Variants in PITPNM2 observed in about 807,000 individuals in gnomAD.
PITPNM2 encodes the protein membrane-associated phosphatidylinositol transfer protein 2.
In PITPNM2, 35 loss-of-function variants were observed where a neutral mutation model predicts 132.2. That is an observed-to-expected ratio of 0.26 (90% confidence interval 0.20 to 0.35). The LOEUF is 0.35. Ranked by LOEUF, PITPNM2 falls within the 10% of genes least tolerant of loss-of-function variation. The pLI is 1.00. For synonymous variants in PITPNM2, 738 were observed against 799.2 expected (o/e 0.92, Z 1.29); for missense variants, 1,332 against 1,912.0 (o/e 0.70, Z 5.66).
intron 2 of PITPNM2, among the ~76,000 whole-genome samples, chr12:123,042,392 G>A (rs572589697): frequency 6.6e-6 from 1 of 152,314 alleles, no homozygotes; most frequent in Non-Finnish European, 1.5e-5. Context: ...GGGAGGGGAA[G>A]CACGAGAATT....
chr12:123,123,645 A>T (rs1295129807), intron 1 of PITPNM2, among the ~76,000 whole-genome samples: 1 of 152,016 alleles, frequency 6.6e-6, no homozygotes, highest in East Asian at 1.9e-4. Flanking sequence ...AATTAAATTA[A>T]ATTTTTAGGC....
rs554301529 is a variant in PITPNM2, at chr12:123,142,326, C to T, written c.-200+8427G>A. 2.2e-4 allele frequency among the ~76,000 whole-genome samples: 33 copies of T among 152,328 alleles called. 1 individual carries two copies. Among genetic ancestry groups the T allele is most frequent in the South Asian group, 6.2e-4 (3 of 4,828 alleles). ...AGCTATTTTCCTTGCTGGGTTAATACAAATCGTGCTCTGGACCAATTAAGT... is the reference window on the plus strand; with the variant it reads ...AGCTATTTTCCTTGCTGGGTTAATATAAATCGTGCTCTGGACCAATTAAGT... On this transcript the variant is annotated intron_variant, in intron 1 of 25. Transcript: ENST00000320201.
intron 11 of PITPNM2, 99 bp from the exon 12 acceptor site, chr12:122,997,009 G>A (rs2038458371): frequency 1.6e-6 from 2 of 1,213,698 alleles, no homozygotes; most frequent in Non-Finnish European, 2.3e-6. Flanking sequence ...CTCAGCATAC[G>A]CTAGTGAGGA....
intron 2 of PITPNM2, among the ~76,000 whole-genome samples, chr12:123,055,708 C>T (rs1041379360): frequency 6.6e-6 from 1 of 152,168 alleles, no homozygotes; most frequent in African/African-American, 2.4e-5. Flanking sequence ...ATCTTCCATT[C>T]AGCTTCAAAA....
intron 2 of PITPNM2, among the ~76,000 whole-genome samples, chr12:123,062,652 C>G (rs1342406613): frequency 1.3e-5 from 2 of 152,158 alleles, no homozygotes; most frequent in African/African-American, 4.8e-5. Flanking sequence ...GAACTCTCTG[C>G]AGTGAAAGAC....
At chr12:122,987,009 C>T (rs915541370) in intron 23 of PITPNM2, among the ~76,000 whole-genome samples, 180 bp from the exon 24 acceptor site, 5 of 152,272 alleles carry the variant, frequency 3.3e-5, no homozygotes, top group African/African-American at 9.6e-5. Context: ...CCGCACTGGG[C>T]GGCAGATGCC....
At chr12:123,081,426 CA>C (rs1566283353) in intron 2 of PITPNM2, 1 of 152,320 alleles carries the variant, frequency 6.6e-6, no homozygotes, top group African/African-American at 2.4e-5. Context: ...GGTCCCCCCC[CA>C]CTCCTTAATG....
At chr12:123,148,790 C>T (rs943125053) in intron 1 of PITPNM2, among the ~76,000 whole-genome samples, 16 of 151,998 alleles carry the variant, frequency 1.1e-4, no homozygotes, top group East Asian at 3.9e-4. Context: ...GTGGGGGGCA[C>T]GTGTAAACAG....
rs2041098752 is a variant in PITPNM2 at position 123,058,005 on chromosome 12, T to C, written c.-95-23320A>G. The stretch of plus-strand genomic sequence containing the variant: ...GTCCCAGGGACCCCTCCTGTACACC[T>C]GACAGGTGCTACCTCCTCTCTGGGC... On this transcript the variant is annotated intron_variant, in intron 2 of 25. Transcript: ENST00000320201. This position sits in a 1 kb window ranked among gnomAD's most constrained non-coding sequence, Gnocchi z 4.0. Among the ~76,000 whole-genome samples, 1 of 152,216 alleles carries C rather than the reference T, an allele frequency of 6.6e-6. No individual in the cohort carries two copies. Among genetic ancestry groups the C allele is most frequent in the Non-Finnish European group, 1.5e-5 (1 of 68,032 alleles).
intron 2 of PITPNM2, chr12:123,076,008 T>TGAC (rs1364154057): frequency 6.6e-6 from 1 of 152,262 alleles, no homozygotes; most frequent in Non-Finnish European, 1.5e-5. Context: ...AGAGCAGAGA[T>TGAC]GACGATCAGG....
At position 122,992,035 on chromosome 12, in the gene PITPNM2, G is replaced by T. The variant is rs989899807; in HGVS notation, c.2404+464C>A. 1.8e-5 allele frequency: 15 copies of T among 830,874 alleles called. No homozygotes were observed. The highest frequency in any genetic ancestry group is 5.3e-5 in the African/African-American group (3 of 56,746). 51.5% of individuals were successfully genotyped at this position (830,874 alleles called of 1,614,324 possible). A position where few individuals can be genotyped will look rare whatever the true frequency, so the allele number is the denominator to read the frequency against. Reference sequence around the variant, plus strand: ...ACGCTGGGACACACGCTGGGGCAGGGGTCGGGCCAAGCCTACCTGGACCTC... The same window carrying T: ...ACGCTGGGACACACGCTGGGGCAGGTGTCGGGCCAAGCCTACCTGGACCTC... On this transcript the variant is annotated intron_variant, in intron 16 of 25. Coordinates refer to ENST00000320201, the MANE Select transcript of PITPNM2 (RefSeq NM_020845.3). The surrounding 1 kb of genome is among the most constrained non-coding windows in gnomAD (Gnocchi z 6.5).
intron 2 of PITPNM2, chr12:123,081,061 C>T (rs1396913381): frequency 6.6e-6 from 1 of 152,206 alleles, no homozygotes; most frequent in Non-Finnish European, 1.5e-5. Flanking sequence ...GTTCTAAGGC[C>T]TGAGGAGATG....
At chr12:123,049,737 T>C (rs1054852517) in intron 2 of PITPNM2, among the ~76,000 whole-genome samples, 1 of 152,354 alleles carries the variant, frequency 6.6e-6, no homozygotes, top group South Asian at 2.1e-4. Flanking sequence ...GGCAGGGAAC[T>C]TGTCTGTCTT....
rs1285954263 is a variant in PITPNM2 at position 122,994,707 on chromosome 12, G to A, written c.2233+94C>T. 1 of 1,346,176 alleles carries A rather than the reference G, an allele frequency of 7.4e-7. No individual in the cohort carries two copies. Among genetic ancestry groups the A allele is most frequent in the Admixed American group, 2.6e-5 (1 of 39,086 alleles). The allele number at this position is 1,346,176 out of a possible 1,614,324, so 83.4% of individuals were successfully genotyped here. A position where few individuals can be genotyped will look rare whatever the true frequency, so the allele number is the denominator to read the frequency against. ...GGAAGGAGGGCAGAAACAGGCCTGG[G>A]ACGTGGCCATGATCTCATCACAGGG... On this transcript the variant is annotated intron_variant, in intron 15 of 25. Transcript: ENST00000320201. The surrounding 1 kb of genome is among the most constrained non-coding windows in gnomAD (Gnocchi z 5.4).
At position 123,143,474 on chromosome 12, in the gene PITPNM2, G is replaced by A. The variant is rs1476896121; in HGVS notation, c.-200+7279C>T. 2.6e-5 allele frequency among the ~76,000 whole-genome samples: 4 copies of A among 152,290 alleles called. No individual in the cohort carries two copies. The South Asian group carries it at 6.2e-4, about 24-fold the overall frequency. On this transcript the variant is annotated intron_variant, in intron 1 of 25. Coordinates refer to ENST00000320201, the MANE Select transcript of PITPNM2 (RefSeq NM_020845.3). ...GAGAAACAGTAATAATCCGTATGAC[G>A]TACGTACGAACTCTTAAGAGGGCAC...
intron 1 of PITPNM2, among the ~76,000 whole-genome samples, chr12:123,119,205 A>G (rs2042987399): frequency 6.6e-6 from 1 of 152,196 alleles, no homozygotes; most frequent in Non-Finnish European, 1.5e-5. Context: ...ATCTCCTGGG[A>G]CTGCTGAGAA....
intron 1 of PITPNM2, among the ~76,000 whole-genome samples, chr12:123,116,708 T>G (rs2042943148): frequency 6.7e-6 from 1 of 149,756 alleles, no homozygotes; most frequent in African/African-American, 2.5e-5. Context: ...GGTGGCAGCC[T>G]GGATGCTTCT....
At chr12:123,062,310 G>A (rs758830908) in intron 2 of PITPNM2, among the ~76,000 whole-genome samples, 15 of 152,078 alleles carry the variant, frequency 9.9e-5, no homozygotes, top group Non-Finnish European at 1.3e-4. Context: ...GTGGTAATAC[G>A]TCCAGTGAGG....
At position 122,986,438 on chromosome 12, in the gene PITPNM2, G is replaced by C. The variant is rs2037938235; in HGVS notation, c.3724C>G (p.Gln1242Glu). 2 of 1,570,590 alleles carry C rather than the reference G, an allele frequency of 1.3e-6. No homozygotes were observed. ...GCCCCCACAATGCGCCCACTCACCTGGCACTGCTGCTGCAGCTTCTTGGTG... is the reference window on the plus strand; with the variant it reads ...GCCCCCACAATGCGCCCACTCACCTCGCACTGCTGCTGCAGCTTCTTGGTG... ...RPTKKLQQQC[Q>E]FITDGYAAHL... The change falls in exon 25 of 26, where the codon CAG becomes GAG. Residue 1242 changes from glutamine to glutamate, a missense_variant and splice_region_variant. Gln to Glu is a conservative substitution (Grantham distance 29, BLOSUM62 2). Around this residue, in one of 6 missense-constraint regions of PITPNM2, gnomAD observed 251 missense variants for 472.0 expected, o/e 0.53. Transcript: ENST00000320201.
Sources: gnomAD v4.1 joint callset for allele counts (sites outside exome capture counted in the v4.1 genomes callset) on GRCh38, gnomAD v4.1.1 for gene constraint, gnomAD v4.1.1 regional missense constraint, Gnocchi (gnomAD v3.1) non-coding constraint, MANE v1.5 for transcripts, NCBI Gene and HGNC (gene_info 2026-07-23, HGNC 2026-07-21) for gene names.